The following ADAD1 variants were observed in gnomAD, a reference collection of about 807,000 sequenced individuals.
The protein encoded by ADAD1 is adenosine deaminase domain-containing protein 1.
Under a neutral mutation model 66.8 loss-of-function variants are expected in ADAD1, and 46 were observed. That is an observed-to-expected ratio of 0.69 (90% CI 0.54 to 0.88). The LOEUF (loss-of-function observed/expected upper bound fraction) is 0.88, where lower values mean the gene tolerates loss of function less well. Ranked by LOEUF, ADAD1 falls within the 40% of genes least tolerant of loss-of-function variation. The probability of loss-of-function intolerance (pLI) is 0.00; values close to 1 mark genes in which losing one functional copy is unlikely to be tolerated. For synonymous variants in ADAD1, 248 were observed against 229.4 expected, an observed-to-expected ratio of 1.08 and a Z score of -0.73; for missense variants, 617 against 681.8, an observed-to-expected ratio of 0.91 and a Z score of 1.06.
rs1200223805 is a variant in ADAD1, at chr4:122,380,210, C to T, written c.141C>T (p.Ser47=). The stretch of plus-strand genomic sequence containing the variant: ...GGTCCTCAGAAAGTTACGGCCTGTC[C>T]AAGATGGCATCCAAGGTTACGCAAG... The part of the protein sequence containing the change: ...TGWSSESYGL[S]KMASKVTQVT... The change falls in exon 3 of 13, where the codon TCC becomes TCT. Residue 47 remains serine, a synonymous_variant. Coordinates refer to ENST00000296513, the MANE Select transcript of ADAD1 (RefSeq NM_139243.4). 6.2e-7 allele frequency: 1 copy of T among 1,612,538 alleles called. No individual in the cohort carries two copies. The highest frequency in any genetic ancestry group is 8.5e-7 in the Non-Finnish European group (1 of 1,179,692).
intron 7 of ADAD1, among the ~76,000 whole-genome samples, chr4:122,400,299 G>A (rs1285385114): frequency 6.6e-6 from 1 of 152,036 alleles, no homozygotes; most frequent in African/African-American, 2.4e-5. Context: ...TTTATGTGGT[G>A]TATCACATTT....
Position 122,381,170 on chromosome 4 carries a change from T to C in ADAD1, c.351T>C (p.Thr117=). ...GAGTTCAGCTTGACCTTAAGGAAAC[T>C]GTGACAACAGGCAAGTGTAAAATTG... The part of the protein sequence containing the change: ...MQRVQLDLKE[T]VTTGNVMGPY... Residue 117 remains threonine, a synonymous_variant, in exon 4 of 13, where the codon ACT becomes ACC. Coordinates refer to ENST00000296513, the MANE Select transcript of ADAD1 (RefSeq NM_139243.4). 6.4e-7 allele frequency: 1 copy of C among 1,556,904 alleles called. No individual in the cohort carries two copies. Among genetic ancestry groups the C allele is most frequent in the South Asian group, 1.2e-5 (1 of 81,098 alleles).
At chr4:122,379,848 AGGTTTAGGGAAGG>A (rs1794795281) in intron 2 of ADAD1, among the ~76,000 whole-genome samples, 1 of 151,498 alleles carries the variant, frequency 6.6e-6, no homozygotes, top group African/African-American at 2.4e-5. Flanking sequence ...TTTGTAGCAG[AGGTTTAGGGAAGG>A]GATTCAGGAG....
chr4:122,385,945 A>T (rs1466433770), intron 5 of ADAD1, among the ~76,000 whole-genome samples: 2 of 152,058 alleles, frequency 1.3e-5, no homozygotes, highest in African/African-American at 4.8e-5. Flanking sequence ...TCTATCATTG[A>T]TGGCCATTTG....
intron 7 of ADAD1, among the ~76,000 whole-genome samples, chr4:122,405,252 G>A (rs1796154895): frequency 6.6e-6 from 1 of 152,148 alleles, no homozygotes; most frequent in Non-Finnish European, 1.5e-5. Flanking sequence ...ATTCTGGAAA[G>A]CCTGGCTTCC....
At chr4:122,411,868 ATCT>A (rs1462396283) in intron 9 of ADAD1, among the ~76,000 whole-genome samples, 6 of 152,338 alleles carry the variant, frequency 3.9e-5, no homozygotes, top group Admixed American at 3.3e-4. Context: ...CTTTAAAAAA[ATCT>A]TCTACTCCTT....
chr4:122,393,878 A>G (rs1192168930), intron 6 of ADAD1, among the ~76,000 whole-genome samples: 2 of 152,056 alleles, frequency 1.3e-5, no homozygotes, highest in Non-Finnish European at 2.9e-5. Context: ...TTTTTTTCCT[A>G]TAAGGAGATG....
intron 7 of ADAD1, among the ~76,000 whole-genome samples, chr4:122,400,161 T>C (rs1279990923): frequency 6.6e-6 from 1 of 152,130 alleles, no homozygotes; most frequent in African/African-American, 2.4e-5. Context: ...ATGGCTTTTA[T>C]TACCTTAAGG....
intron 5 of ADAD1, 134 bp downstream of exon 5, chr4:122,384,100 G>A: frequency 1.2e-6 from 1 of 837,748 alleles, no homozygotes; most frequent in Admixed American, 3.1e-5. Flanking sequence ...ATTTATTTCA[G>A]TTGCTGTCCA....
At chr4:122,392,512 GT>G (rs1403611165) in intron 5 of ADAD1, among the ~76,000 whole-genome samples, 1 of 152,168 alleles carries the variant, frequency 6.6e-6, no homozygotes, top group Non-Finnish European at 1.5e-5. Flanking sequence ...CATTAAGCAT[GT>G]GTAGCCATAA....
intron 5 of ADAD1, among the ~76,000 whole-genome samples, chr4:122,390,358 G>T (rs1373201151): frequency 6.6e-6 from 1 of 152,154 alleles, no homozygotes; most frequent in African/African-American, 2.4e-5. Context: ...TTCTTGTGGA[G>T]TATCTTAATG....
At chr4:122,422,956 T>TAAAAA (rs537676034) in intron 12 of ADAD1, among the ~76,000 whole-genome samples, 6 of 97,166 alleles carry the variant, frequency 6.2e-5, no homozygotes, top group African/African-American at 2.0e-4. Flanking sequence ...TATTTCTCTT[T>TAAAAA]AAAAAAAAAA....
Position 122,393,587 on chromosome 4 carries a change from A to C in ADAD1, c.530-2A>C. ...TTCCTTATGTTTTTGTTTTGTTTAC[A>C]GGTCCTCCTCCTTTCCCTGCAGAAC... is the stretch of plus-strand genomic sequence containing the variant. On this transcript the variant is annotated splice_acceptor_variant, in intron 5 of 12. Transcript: ENST00000296513. LOFTEE classifies it high-confidence loss of function. 6.3e-7 allele frequency: 1 copy of C among 1,589,652 alleles called. No homozygotes were observed. Among genetic ancestry groups the C allele is most frequent in the South Asian group, 1.2e-5 (1 of 85,624 alleles).
intron 11 of ADAD1, among the ~76,000 whole-genome samples, chr4:122,420,556 G>C (rs540632665): frequency 3.3e-5 from 5 of 152,320 alleles, no homozygotes; most frequent in Non-Finnish European, 4.4e-5. Context: ...GGGAAAATCA[G>C]CCATGCCTGT....
chr4:122,384,052 C>T (rs778396850), intron 5 of ADAD1, 86 bp downstream of exon 5: 17 of 1,224,356 alleles, frequency 1.4e-5, no homozygotes, highest in Admixed American at 1.1e-4. Context: ...ATGAGAGTTA[C>T]TTGGCAGCTA....
rs1471937566 is a variant in ADAD1 at position 122,402,804 on chromosome 4, A to G, written c.725-5104A>G. 2.0e-5 allele frequency among the ~76,000 whole-genome samples: 3 copies of G among 151,988 alleles called. No individual in the cohort carries two copies. In the East Asian group the frequency reaches 5.8e-4, roughly 29 times the overall value. ...GTCTATTGCTGAAACTTTCCAGTGC[A>G]TTTTGTATTTCTCTAAGTGTGTCTT... On this transcript the variant is annotated intron_variant, in intron 7 of 12. Transcript: ENST00000296513.
chr4:122,400,039 T>C (rs1795899619), intron 7 of ADAD1, among the ~76,000 whole-genome samples: 6 of 152,096 alleles, frequency 3.9e-5, no homozygotes, highest in Admixed American at 2.6e-4. Flanking sequence ...CAGTACTATG[T>C]TGAATAGAAA....
Position 122,402,981 on chromosome 4 carries a change from A to G in ADAD1, c.725-4927A>G, listed in dbSNP as rs147862738. On this transcript the variant is annotated intron_variant, in intron 7 of 12. Transcript: ENST00000296513. ...AGCTTAATAATCTTCTGAATTCTTTATCTGGCAGTTCAGAGATTTATTCTT... is the reference window on the plus strand; with the variant it reads ...AGCTTAATAATCTTCTGAATTCTTTGTCTGGCAGTTCAGAGATTTATTCTT... 9.3e-4 allele frequency among the ~76,000 whole-genome samples: 142 copies of G among 152,200 alleles called. 2 individuals are homozygous for G. The highest frequency in any genetic ancestry group is 3.1e-3 in the African/African-American group (130 of 41,542).
At chr4:122,425,665 ACATT>A (rs1441202266) in intron 12 of ADAD1, among the ~76,000 whole-genome samples, 39 of 151,968 alleles carry the variant, frequency 2.6e-4, no homozygotes, top group African/African-American at 8.9e-4. Flanking sequence ...ACAACTATTT[ACATT>A]GAATTTATAT....
Sources: gnomAD v4.1 joint callset for allele counts (sites outside exome capture counted in the v4.1 genomes callset) on GRCh38, gnomAD v4.1.1 for gene constraint, MANE v1.5 for transcripts, NCBI Gene and HGNC (gene_info 2026-07-23, HGNC 2026-07-21) for gene names.